Variants in HSPBAP1 observed in about 807,000 individuals in gnomAD.
HSPBAP1 encodes the protein HSPB1 associated protein 1.
In HSPBAP1, 27 loss-of-function variants were observed where a neutral mutation model predicts 45.2. The ratio of observed to expected loss-of-function variants is 0.60; its 90% CI spans 0.44 to 0.82. The LOEUF (loss-of-function observed/expected upper bound fraction) is 0.82. Among genes scored for constraint, HSPBAP1 ranks in the 40% least tolerant of loss-of-function variants. The probability of loss-of-function intolerance (pLI) is 0.00; values close to 1 mark genes in which losing one functional copy is unlikely to be tolerated. For synonymous variants in HSPBAP1, 204 were observed against 202.7 expected (o/e 1.01, Z -0.06); for missense variants, 510 against 590.9 (o/e 0.86, Z 1.42).
At chr3:122,790,793 G>T (rs575779625) in intron 1 of HSPBAP1, among the ~76,000 whole-genome samples, 1 of 152,012 alleles carries the variant, frequency 6.6e-6, no homozygotes, top group African/African-American at 2.4e-5. Flanking sequence ...ACCAGCCTAC[G>T]GAACATTGTG....
chr3:122,791,099 TCA>T (rs1935814289), intron 1 of HSPBAP1, among the ~76,000 whole-genome samples: 1 of 152,200 alleles, frequency 6.6e-6, no homozygotes, highest in African/African-American at 2.4e-5. Context: ...ACTCTAATCT[TCA>T]CAATAATCAT....
At chr3:122,778,526 T>TA (rs36092455) in intron 1 of HSPBAP1, among the ~76,000 whole-genome samples, 23,001 of 67,292 alleles carry the variant, frequency 0.34, 1,868 homozygotes, top group Non-Finnish European at 0.44. Context: ...TTTTTTTATT[T>TA]TTTTTTTTTT....
intron 6 of HSPBAP1, among the ~76,000 whole-genome samples, chr3:122,744,782 T>C (rs1183127086): frequency 6.6e-6 from 1 of 152,226 alleles, no homozygotes; most frequent in East Asian, 1.9e-4. Context: ...TTTCATGTTA[T>C]TGAGGCCATG....
In HSPBAP1 at chr3:122,760,833, C is replaced by T. The variant is rs1934553531; in HGVS notation, c.433-1473G>A. ...TGGGAGGGAAAGAAGAATCTGTTGA[C>T]TTATGATGGTTAAAATAGTTCAGGC... On this transcript the variant is annotated intron_variant, in intron 3 of 7. Coordinates refer to ENST00000306103, the MANE Select transcript of HSPBAP1 (RefSeq NM_024610.6). 2.0e-5 allele frequency among the ~76,000 whole-genome samples: 3 copies of T among 152,176 alleles called. 1 individual carries two copies.
chr3:122,778,495 T>C (rs1285833498), intron 1 of HSPBAP1, among the ~76,000 whole-genome samples: 1 of 147,606 alleles, frequency 6.8e-6, no homozygotes, highest in Admixed American at 6.9e-5. Flanking sequence ...ACTACAACCA[T>C]CCACAGTCTA....
chr3:122,769,413 T>C (rs1266210622), intron 2 of HSPBAP1, among the ~76,000 whole-genome samples: 1 of 152,208 alleles, frequency 6.6e-6, no homozygotes, highest in Non-Finnish European at 1.5e-5. Flanking sequence ...CAATAAAAGA[T>C]GTATTATCTG....
intron 4 of HSPBAP1, chr3:122,758,969 G>C: frequency 2.4e-6 from 1 of 417,842 alleles, no homozygotes; most frequent in Non-Finnish European, 4.5e-6. Context: ...CAGAGTTCTA[G>C]AATAAACTCT....
chr3:122,764,795 A>G (rs1395946909), intron 3 of HSPBAP1, among the ~76,000 whole-genome samples: 1 of 152,230 alleles, frequency 6.6e-6, no homozygotes, highest in Non-Finnish European at 1.5e-5. Context: ...TTTTGCAATT[A>G]TCGTAAGTAT....
At chr3:122,753,748 A>T (rs1934242310) in intron 5 of HSPBAP1, 1 of 984,892 alleles carries the variant, frequency 1.0e-6, no homozygotes, top group African/African-American at 1.7e-5. Context: ...ATAAAAGGCC[A>T]CTTGATAGTC....
chr3:122,759,305 A>G lies in HSPBAP1; in HGVS notation c.488T>C (p.Leu163Ser), dbSNP rs1162455256. 1.9e-6 allele frequency: 3 copies of G among 1,613,966 alleles called. No individual in the cohort carries two copies. The highest frequency in any genetic ancestry group is 2.2e-5 in the South Asian group (2 of 91,076). ...GTGGGCTCCCAAGGAGCCAATCCAC[A>G]ATGTACTTTCCTGTCCATTTCTTCC... is the stretch of plus-strand genomic sequence containing the variant. ...FPGRNGQEST[L>S]WIGSLGAHTP... Residue 163 changes from leucine (L) to serine (S), a missense_variant, in exon 4 of 8, where the codon TTG becomes TCG. Coordinates refer to ENST00000306103, the MANE Select transcript of HSPBAP1 (RefSeq NM_024610.6).
At chr3:122,762,438 C>T (rs866999123) in intron 3 of HSPBAP1, among the ~76,000 whole-genome samples, 75 of 152,210 alleles carry the variant, frequency 4.9e-4, no homozygotes, top group African/African-American at 1.6e-3. Flanking sequence ...TTCCATGACC[C>T]GCACATCATA....
chr3:122,792,974 A>C (rs1298038785), intron 1 of HSPBAP1, among the ~76,000 whole-genome samples: 1 of 152,164 alleles, frequency 6.6e-6, no homozygotes, highest in African/African-American at 2.4e-5. Flanking sequence ...CCCTCCTCCT[A>C]ACAACCCTCA....
intron 1 of HSPBAP1, among the ~76,000 whole-genome samples, chr3:122,778,197 C>G (rs1306527646): frequency 2.2e-5 from 3 of 135,986 alleles, no homozygotes; most frequent in Non-Finnish European, 4.7e-5. Flanking sequence ...GCACAGTACT[C>G]AACAGGTAGT....
chr3:122,771,478 A>C (rs1192092972), intron 2 of HSPBAP1, among the ~76,000 whole-genome samples: 2 of 152,208 alleles, frequency 1.3e-5, no homozygotes, highest in African/African-American at 4.8e-5. Context: ...GCTTGCTTTT[A>C]ATTATTATAA....
chr3:122,748,191 G>GT (rs1933986013), intron 6 of HSPBAP1, among the ~76,000 whole-genome samples: 3 of 152,104 alleles, frequency 2.0e-5, no homozygotes, highest in African/African-American at 7.2e-5. Context: ...CAGCGTGCTC[G>GT]TTGAGAGTCA....
chr3:122,751,976 G>A (rs1934164727), intron 6 of HSPBAP1, among the ~76,000 whole-genome samples: 1 of 152,190 alleles, frequency 6.6e-6, no homozygotes, highest in Non-Finnish European at 1.5e-5. Context: ...TGCAGTCAGG[G>A]CCTCTGGTTA....
At chr3:122,776,167 C>A (rs1241444621) in intron 2 of HSPBAP1, among the ~76,000 whole-genome samples, 1 of 152,044 alleles carries the variant, frequency 6.6e-6, no homozygotes, top group African/African-American at 2.4e-5. Context: ...GGGATAATAG[C>A]AATATTCTAG....
intron 1 of HSPBAP1, among the ~76,000 whole-genome samples, chr3:122,780,515 C>T: frequency 7.3e-6 from 1 of 136,550 alleles, no homozygotes; most frequent in Non-Finnish European, 1.5e-5. Context: ...GGCTGACCCC[C>T]CCACCTCCCT....
At chr3:122,743,920 G>C (rs1933757894) in intron 6 of HSPBAP1, among the ~76,000 whole-genome samples, 1 of 152,080 alleles carries the variant, frequency 6.6e-6, no homozygotes, top group Non-Finnish European at 1.5e-5. Flanking sequence ...GGCCAAAGTG[G>C]AAGTACTGCT....
Sources: gnomAD v4.1 joint callset for allele counts (sites outside exome capture counted in the v4.1 genomes callset) on GRCh38, gnomAD v4.1.1 for gene constraint, MANE v1.5 for transcripts, NCBI Gene and HGNC (gene_info 2026-07-23, HGNC 2026-07-21) for gene names.